The following RASA2 variants were observed in gnomAD, a reference collection of about 807,000 sequenced individuals.
The protein encoded by RASA2 is RAS p21 protein activator 2, also known as ras GTPase-activating protein 2.
In RASA2, 155 loss-of-function variants were observed where a neutral mutation model predicts 118.2. That is an observed-to-expected ratio of 1.31 (90% CI 1.15 to 1.50). RASA2 has a LOEUF of 1.50. Among genes scored for constraint, RASA2 ranks in the 40% most tolerant of loss-of-function variants. RASA2 has a pLI of 0.00. For synonymous variants in RASA2, 353 were observed against 349.1 expected (o/e 1.01, Z -0.12); for missense variants, 1,016 against 1,009.6 (o/e 1.01, Z -0.09).
chr3:141,558,868 A>G lies in RASA2; in HGVS notation c.685-18A>G, dbSNP rs758528393. ...TATTTTTTTAAAAAAAATTTTTACT[A>G]AAATATTTTGTTTACAGGTAACCAG... On this transcript the variant is annotated intron_variant, in intron 7 of 23. Transcript: ENST00000286364. 1.4e-5 allele frequency: 22 copies of G among 1,553,126 alleles called. No individual in the cohort carries two copies. The highest frequency in any genetic ancestry group is 1.9e-5 in the Non-Finnish European group (21 of 1,130,182).
In RASA2 at chr3:141,612,613, C is replaced by T. The variant is rs1048771555; in HGVS notation, c.*300C>T. 3.6e-6 allele frequency: 1 copy of T among 274,884 alleles called. No individual in the cohort carries two copies. The highest frequency in any genetic ancestry group is 5.0e-5 in the Admixed American group (1 of 19,856). The allele number at this position is 274,884 out of a possible 1,614,324, so 17.0% of individuals were successfully genotyped here. ...GAAAAGCTTTGTAACAAAGGGAGAA[C>T]TCCTCCGTAGCAAGAAACCATCTCT... On this transcript the variant is annotated 3_prime_UTR_variant, in exon 24 of 24. Transcript: ENST00000286364.
intron 19 of RASA2, chr3:141,590,062 TTTTTG>T (rs2083265266): frequency 2.2e-6 from 1 of 452,274 alleles, no homozygotes; most frequent in Non-Finnish European, 4.4e-6. Flanking sequence ...GCTTCCATGC[TTTTTG>T]TTTTAACTAT....
At chr3:141,549,626 T>C (rs576712001) in intron 5 of RASA2, among the ~76,000 whole-genome samples, 1 of 152,276 alleles carries the variant, frequency 6.6e-6, no homozygotes, top group African/African-American at 2.4e-5. Context: ...TATTGAAAAC[T>C]TGAAATACAG....
At chr3:141,521,512 A>G (rs1208402972) in intron 3 of RASA2, among the ~76,000 whole-genome samples, 2 of 152,204 alleles carry the variant, frequency 1.3e-5, no homozygotes, top group African/African-American at 4.8e-5. Context: ...TCTTAAGGTA[A>G]TATTTCTTGA....
At position 141,571,064 on chromosome 3, in the gene RASA2, T is replaced by TA; in HGVS notation, c.1016_1017insA (p.Gln340SerfsTer13). The TA allele has an allele frequency of 6.3e-7, 1 of 1,597,078 alleles. No homozygotes were observed. Among genetic ancestry groups the TA allele is most frequent in the Non-Finnish European group, 8.5e-7 (1 of 1,175,328 alleles). On this transcript the variant is annotated frameshift_variant, in exon 10 of 24. Transcript: ENST00000286364. LOFTEE classifies it high-confidence loss of function. ...ACTTTGCTGCTAAAATCACCAGATG[T>TA]TCAAGTATGTTAAGAATCTTAAGGA...
intron 1 of RASA2, among the ~76,000 whole-genome samples, chr3:141,508,509 C>G (rs956325345): frequency 6.6e-6 from 1 of 152,102 alleles, no homozygotes; most frequent in Non-Finnish European, 1.5e-5. Context: ...TCCCAAGTAG[C>G]TGGGACCACA....
chr3:141,582,912 A>G (rs1392266413), intron 17 of RASA2, among the ~76,000 whole-genome samples: 1 of 152,214 alleles, frequency 6.6e-6, no homozygotes, highest in Non-Finnish European at 1.5e-5. Flanking sequence ...ATAGTTCTAT[A>G]AACAAGGTGA....
At chr3:141,531,641 A>C (rs750320755) in intron 4 of RASA2, among the ~76,000 whole-genome samples, 1 of 152,048 alleles carries the variant, frequency 6.6e-6, no homozygotes, top group Non-Finnish European at 1.5e-5. Context: ...GATATAATAT[A>C]GTCATTTAAA....
At chr3:141,608,399 AG>A in intron 20 of RASA2, 89 bp from the exon 21 acceptor site, 1 of 1,244,920 alleles carries the variant, frequency 8.0e-7, no homozygotes. Context: ...CCAAGCAACT[AG>A]ATTCCTTTAG....
intron 19 of RASA2, among the ~76,000 whole-genome samples, chr3:141,596,975 G>T (rs561194566): frequency 6.6e-6 from 1 of 152,158 alleles, no homozygotes; most frequent in African/African-American, 2.4e-5. Context: ...GAAAACATAT[G>T]CCCACACAAA....
chr3:141,602,277 G>A (rs1369107453), intron 19 of RASA2, among the ~76,000 whole-genome samples: 1 of 152,074 alleles, frequency 6.6e-6, no homozygotes, highest in East Asian at 1.9e-4. Flanking sequence ...ATTTTTCCAC[G>A]GACTGGTGGG....
At chr3:141,580,985 CT>C (rs2083104752) in intron 16 of RASA2, 114 bp from the exon 17 acceptor site, 1 of 1,154,084 alleles carries the variant, frequency 8.7e-7, no homozygotes, top group African/African-American at 1.6e-5. Context: ...CCTGAACTCT[CT>C]GAAAATATAT....
intron 19 of RASA2, among the ~76,000 whole-genome samples, chr3:141,590,923 C>G (rs1219540817): frequency 6.6e-6 from 1 of 152,132 alleles, no homozygotes; most frequent in African/African-American, 2.4e-5. Flanking sequence ...TGCTAACAGG[C>G]AATAGTAAGC....
Position 141,572,724 on chromosome 3 carries a change from G to T in RASA2, c.1284+1G>T. ...AACATTAAAACCTATTCTTGATGAG[G>T]TACAGAATATATCTCCAACAATGAT... On this transcript the variant is annotated splice_donor_variant, in intron 12 of 23. Transcript: ENST00000286364. LOFTEE classifies it high-confidence loss of function. The T allele has an allele frequency of 1.3e-6, 2 of 1,570,594 alleles. No homozygotes were observed. The highest frequency in any genetic ancestry group is 1.7e-6 in the Non-Finnish European group (2 of 1,143,844).
chr3:141,487,211 A>C lies in RASA2; in HGVS notation c.128A>C (p.Lys43Thr). The C allele has an allele frequency of 7.0e-7, 1 of 1,424,270 alleles. No individual in the cohort carries two copies. Among genetic ancestry groups the C allele is most frequent in the African/African-American group, 1.5e-5 (1 of 67,460 alleles). 88.2% of individuals were successfully genotyped at this position (1,424,270 alleles called of 1,614,324 possible). ...EVRVLQSLRG[K>T]ICEAKNLLPY... Reference sequence around the variant, plus strand: ...CGAGTGTTGCAGAGCCTGCGGGGCAAGATCTGTAAGCGGGGGCTGGGCTGA... The same window carrying C: ...CGAGTGTTGCAGAGCCTGCGGGGCACGATCTGTAAGCGGGGGCTGGGCTGA... The change falls in exon 1 of 24, where the codon AAG becomes ACG. Residue 43 changes from lysine (K) to threonine (T), a missense_variant. Coordinates refer to ENST00000286364, the MANE Select transcript of RASA2 (RefSeq NM_006506.5).
intron 1 of RASA2, among the ~76,000 whole-genome samples, chr3:141,502,848 G>A (rs1052960270): frequency 1.3e-5 from 2 of 152,066 alleles, no homozygotes; most frequent in Admixed American, 6.6e-5. Context: ...CCATGTTGGC[G>A]CCTACCCTTG....
intron 17 of RASA2, among the ~76,000 whole-genome samples, chr3:141,584,990 A>G (rs184737527): frequency 3.9e-5 from 6 of 152,122 alleles, no homozygotes; most frequent in African/African-American, 1.4e-4. Context: ...TTGGCACTCA[A>G]AAAGTTTTGG....
At chr3:141,570,216 A>C (rs1333613469) in intron 9 of RASA2, among the ~76,000 whole-genome samples, 1 of 133,048 alleles carries the variant, frequency 7.5e-6, no homozygotes, top group African/African-American at 2.6e-5. Flanking sequence ...TGTCTTATCT[A>C]CTTTTTTTTT....
intron 5 of RASA2, among the ~76,000 whole-genome samples, chr3:141,547,680 G>T (rs1352070221): frequency 6.6e-6 from 1 of 152,080 alleles, no homozygotes; most frequent in Non-Finnish European, 1.5e-5. Context: ...CAGTTTGGAT[G>T]CCTTTATTTC....
Sources: allele counts gnomAD v4.1 joint callset (sites outside exome capture counted in the v4.1 genomes callset), GRCh38; gene constraint gnomAD v4.1.1; transcripts MANE v1.5; gene names NCBI Gene and HGNC (gene_info 2026-07-23, HGNC 2026-07-21).